Variants in REV3L observed in about 807,000 individuals in gnomAD.
The protein encoded by REV3L is REV3 like, DNA directed polymerase zeta catalytic subunit.
REV3L carries 69 observed loss-of-function variants against 299.4 expected under a neutral mutation model. The observed-to-expected ratio is 0.23, with a 90% confidence interval of 0.19 to 0.28. REV3L has a LOEUF of 0.28. Among genes scored for constraint, REV3L ranks in the 10% least tolerant of loss-of-function variants. The pLI is 1.00. For missense variants in REV3L, 3,128 were observed against 3,693.8 expected, an observed-to-expected ratio of 0.85 and a Z score of 3.97; for synonymous variants, 1,238 against 1,271.4, an observed-to-expected ratio of 0.97 and a Z score of 0.56.
At chr6:111,476,538 A>G (rs770106852) in intron 1 of REV3L, among the ~76,000 whole-genome samples, 2 of 152,206 alleles carry the variant, frequency 1.3e-5, no homozygotes, top group Non-Finnish European at 2.9e-5. Flanking sequence ...TGTTCAAAAC[A>G]TTTCAGATTT....
chr6:111,374,258 G>A lies in REV3L; in HGVS notation c.4097C>T (p.Ser1366Phe), dbSNP rs1488510458. 1 of 1,613,414 alleles carries A rather than the reference G, an allele frequency of 6.2e-7. No homozygotes were observed. Among genetic ancestry groups the A allele is most frequent in the Non-Finnish European group, 8.5e-7 (1 of 1,179,474 alleles). The change falls in exon 13 of 32, where the codon TCT becomes TTT. Residue 1366 changes from serine (S) to phenylalanine (F), a missense_variant. Around this residue, in one of 9 missense-constraint regions of REV3L, gnomAD observed 2,409 missense variants for 2,611.8 expected, o/e 0.92. Coordinates refer to ENST00000368802, the MANE Select transcript of REV3L (RefSeq NM_001372078.1). ...KNIFDLSNHL[S>F]QVAQNTQISS... is the part of the protein sequence containing the mutation. ...TATCTGTGTATTCTGTGCTACCTGA[G>A]ATAAATGATTGGAAAGGTCAAATAT...
Position 111,422,597 on chromosome 6 carries a change from C to G in REV3L, c.140-6125G>C, listed in dbSNP as rs13207449. Reference sequence around the variant, plus strand: ...ATATACACATATATATATATATACACATATATATATATATACACATATATA... The same window carrying G: ...ATATACACATATATATATATATACAGATATATATATATATACACATATATA... On this transcript the variant is annotated intron_variant, in intron 1 of 31. Coordinates refer to ENST00000368802, the MANE Select transcript of REV3L (RefSeq NM_001372078.1). Among the ~76,000 whole-genome samples, 5 of 17,920 alleles carry G rather than the reference C, an allele frequency of 2.8e-4. No homozygotes were observed. In the East Asian group the frequency reaches 4.3e-3, roughly 15 times the overall value. The allele number at this position is 17,920 out of a possible 152,430, so 11.8% of individuals were successfully genotyped here.
rs1210960547 is a variant in REV3L at position 111,482,941 on chromosome 6, A to AGCAGCG, written c.-59_-54dup. On this transcript the variant is annotated 5_prime_UTR_variant, in exon 1 of 32. Transcript: ENST00000368802. ...TCACTGGCGACCCGGCAGCGGCAGC[A>AGCAGCG]GCAGCGGCGGCGGCTCCCTCCGCAG... 4 of 1,469,312 alleles carry AGCAGCG rather than the reference A, an allele frequency of 2.7e-6. No individual in the cohort carries two copies. The African/African-American group carries it at 4.5e-5, about 16-fold the overall frequency. 91.0% of individuals were successfully genotyped at this position (1,469,312 alleles called of 1,614,324 possible).
At chr6:111,363,121 A>G (rs1562184506) in intron 16 of REV3L, among the ~76,000 whole-genome samples, 1 of 152,232 alleles carries the variant, frequency 6.6e-6, no homozygotes, top group Non-Finnish European at 1.5e-5. Context: ...TTTGGCAGGC[A>G]GCCTGTGCTG....
chr6:111,415,495 ATC>A (rs1230774664), intron 2 of REV3L, among the ~76,000 whole-genome samples: 5 of 152,124 alleles, frequency 3.3e-5, no homozygotes, highest in Non-Finnish European at 5.9e-5. Flanking sequence ...GTATTTGGAG[ATC>A]TGAGAGGTAT....
chr6:111,481,691 G>A (rs1463939872), intron 1 of REV3L, among the ~76,000 whole-genome samples: 2 of 152,116 alleles, frequency 1.3e-5, no homozygotes, highest in Non-Finnish European at 2.9e-5. Flanking sequence ...CTAGAGGGAA[G>A]AACAACCTTT....
chr6:111,367,265 C>G lies in REV3L; in HGVS notation c.6523G>C (p.Glu2175Gln). 1.2e-6 allele frequency: 2 copies of G among 1,613,746 alleles called. No individual in the cohort carries two copies. The highest frequency in any genetic ancestry group is 1.7e-6 in the Non-Finnish European group (2 of 1,179,914). ...KDGIQKSPCS[E>Q]PQEPLVISPI... ...GATATCACTAGAGGCTCTTGAGGCT[C>G]ACTGCAGGGGCTTTTTTGTATACCA... The change falls in exon 14 of 32, where the codon GAG (glutamate) becomes CAG (glutamine). Residue 2175 changes from glutamate (E) to glutamine (Q), a missense_variant. By Grantham distance (29) the Glu-to-Gln change is conservative. This residue lies in a region of REV3L where 2,409 missense variants were observed against 2,611.8 expected (regional missense o/e 0.92). Transcript: ENST00000368802.
At chr6:111,339,373 A>G (rs997410683) in intron 21 of REV3L, among the ~76,000 whole-genome samples, 40 of 152,122 alleles carry the variant, frequency 2.6e-4, no homozygotes, top group African/African-American at 9.7e-4. Context: ...GGCCAAATAA[A>G]CGAAAACATG....
intron 4 of REV3L, among the ~76,000 whole-genome samples, chr6:111,401,790 G>C (rs1012893988): frequency 6.6e-6 from 1 of 152,108 alleles, no homozygotes; most frequent in Non-Finnish European, 1.5e-5. Flanking sequence ...TGACATTAGA[G>C]CATTGCATAT....
At chr6:111,460,885 G>C (rs1790688038) in intron 1 of REV3L, among the ~76,000 whole-genome samples, 1 of 152,044 alleles carries the variant, frequency 6.6e-6, no homozygotes, top group Non-Finnish European at 1.5e-5. Context: ...CTATCGCCTA[G>C]GGACATCCTA....
intron 9 of REV3L, among the ~76,000 whole-genome samples, chr6:111,384,018 G>A (rs189310263): frequency 2.0e-5 from 3 of 152,228 alleles, no homozygotes; most frequent in East Asian, 1.9e-4. Flanking sequence ...CAATTTCTTC[G>A]ATAAATGGTG....
rs1776781628 is a variant in REV3L at position 111,343,917 on chromosome 6, A to T, written c.7538+8T>A. On this transcript the variant is annotated splice_region_variant and intron_variant, in intron 21 of 31. Transcript: ENST00000368802. The stretch of plus-strand genomic sequence containing the variant: ...TATATTACCTTCTTCAGAGTTATAG[A>T]ACAGTACCTGTATAGATCTGTCTTG... 1 of 1,493,404 alleles carries T rather than the reference A, an allele frequency of 6.7e-7. No homozygotes were observed. Among genetic ancestry groups the T allele is most frequent in the Non-Finnish European group, 9.2e-7 (1 of 1,089,098 alleles). The allele number at this position is 1,493,404 out of a possible 1,614,324, so 92.5% of individuals were successfully genotyped here. A position where few individuals can be genotyped will look rare whatever the true frequency, so the allele number is the denominator to read the frequency against.
intron 1 of REV3L, among the ~76,000 whole-genome samples, chr6:111,465,597 G>C (rs2128330479): frequency 1.3e-5 from 2 of 151,536 alleles, no homozygotes; most frequent in Middle Eastern, 6.8e-3. Context: ...GCTGGGCATG[G>C]TGGTACGCGC....
In REV3L at chr6:111,309,995, C is replaced by T. The variant is rs754293664; in HGVS notation, c.8900G>A (p.Arg2967Lys). The T allele has an allele frequency of 2.4e-5, 39 of 1,613,744 alleles. No individual in the cohort carries two copies. Among genetic ancestry groups the T allele is most frequent in the Non-Finnish European group, 3.3e-5 (39 of 1,179,908 alleles). ...GTCCTGCAGGACTTCCACTGGGCGC[C>T]TTACAAGCTGGATAAGTGGTACTCC... ...TPGVPLIQLV[R>K]RPVEVLQDPT... The change falls in exon 30 of 32, where the codon AGG becomes AAG. Residue 2967 changes from arginine to lysine, a missense_variant. Coordinates refer to ENST00000368802, the MANE Select transcript of REV3L (RefSeq NM_001372078.1).
At chr6:111,303,165 C>CTTTCTTTTTTTTTTTTTTTTTTTT (rs4038141) in intron 31 of REV3L, among the ~76,000 whole-genome samples, 1 of 92,342 alleles carries the variant, frequency 1.1e-5, no homozygotes, top group Admixed American at 1.5e-4. Context: ...TCTTTTCTTT[C>CTTTCTTTTTTTTTTTTTTTTTTTT]TTTTTTTTTT....
intron 13 of REV3L, among the ~76,000 whole-genome samples, chr6:111,370,220 A>C (rs751177124): frequency 2.6e-5 from 4 of 152,268 alleles, no homozygotes; most frequent in African/African-American, 7.2e-5. Context: ...AATAACAACA[A>C]CACAAAGGTA....
At chr6:111,315,500 A>G (rs1468019464) in intron 26 of REV3L, 119 bp from the exon 27 acceptor site, 1 of 669,868 alleles carries the variant, frequency 1.5e-6, no homozygotes, top group African/African-American at 1.8e-5. Context: ...CCTTTCTCCT[A>G]TTTACTCTTT....
chr6:111,399,700 A>T (rs1782890701), intron 4 of REV3L, among the ~76,000 whole-genome samples: 1 of 152,040 alleles, frequency 6.6e-6, no homozygotes, highest in Admixed American at 6.6e-5. Flanking sequence ...TGGCAAGAAT[A>T]TCACACAGGC....
intron 24 of REV3L, among the ~76,000 whole-genome samples, chr6:111,330,691 A>G (rs1036358099): frequency 6.6e-6 from 1 of 152,198 alleles, no homozygotes; most frequent in African/African-American, 2.4e-5. Flanking sequence ...TGAAGCAGCC[A>G]TAATGTTTTA....
Sources: gnomAD v4.1 joint callset for allele counts (sites outside exome capture counted in the v4.1 genomes callset) on GRCh38, gnomAD v4.1.1 for gene constraint, gnomAD v4.1.1 regional missense constraint, MANE v1.5 for transcripts, NCBI Gene and HGNC (gene_info 2026-07-23, HGNC 2026-07-21) for gene names.